TMEM132D: variants seen among roughly 807,000 people sequenced by gnomAD.
TMEM132D encodes the protein transmembrane protein 132D.
In TMEM132D, 21 loss-of-function variants were observed where a neutral mutation model predicts 62.3. The observed-to-expected ratio is 0.34, with a 90% confidence interval of 0.24 to 0.49. The LOEUF is 0.49. TMEM132D is among the 20% of genes least tolerant of loss of function. TMEM132D has a pLI of 0.99. For missense variants in TMEM132D, 1,346 were observed against 1,402.8 expected, an observed-to-expected ratio of 0.96 and a Z score of 0.65; for synonymous variants, 621 against 575.6, an observed-to-expected ratio of 1.08 and a Z score of -1.13.
In TMEM132D at chr12:129,654,011, G is replaced by A. The variant is rs182679570; in HGVS notation, c.968+45799C>T. 4.3e-4 allele frequency among the ~76,000 whole-genome samples: 65 copies of A among 152,204 alleles called. 1 individual carries two copies. The highest frequency in any genetic ancestry group is 1.6e-3 in the African/African-American group (65 of 41,534). ...TTCTTAGACCTTCCTTGTTTTTGAG[G>A]ATCTACATAGTTTTGAGGACTACTG... On this transcript the variant is annotated intron_variant, in intron 2 of 8. Transcript: ENST00000422113.
chr12:129,632,711 C>G lies in TMEM132D; in HGVS notation c.968+67099G>C, dbSNP rs151318103. Among the ~76,000 whole-genome samples, 3 of 152,280 alleles carry G rather than the reference C, an allele frequency of 2.0e-5. No homozygotes were observed. In the East Asian group the frequency reaches 5.8e-4, roughly 29 times the overall value. On this transcript the variant is annotated intron_variant, in intron 2 of 8. Transcript: ENST00000422113. The stretch of plus-strand genomic sequence containing the variant: ...AACTGTCAAAGATAATCTTTGGATT[C>G]CCTTTTATTCCACCATCCACGCACG...
intron 3 of TMEM132D, among the ~76,000 whole-genome samples, chr12:129,370,890 G>C (rs1870575508): frequency 6.6e-6 from 1 of 151,874 alleles, no homozygotes. Context: ...AGATGGGAGG[G>C]GAAATAAAGA....
chr12:129,406,788 C>T (rs562654954), intron 3 of TMEM132D, among the ~76,000 whole-genome samples: 3 of 152,272 alleles, frequency 2.0e-5, no homozygotes, highest in Non-Finnish European at 2.9e-5. Context: ...GGCAGCCCTG[C>T]GCCTCCACTC....
intron 1 of TMEM132D, among the ~76,000 whole-genome samples, chr12:129,831,730 T>C (rs1872838304): frequency 2.0e-5 from 3 of 152,246 alleles, no homozygotes; most frequent in South Asian, 4.2e-4. Flanking sequence ...GCTCTTCTAC[T>C]GACCAGCAGA....
chr12:129,114,817 T>C (rs115994625), intron 5 of TMEM132D, among the ~76,000 whole-genome samples: 7,193 of 152,280 alleles, frequency 0.047, 545 homozygotes, highest in African/African-American at 0.16. Flanking sequence ...TAATGGAATG[T>C]TTGTGAGATT....
chr12:129,094,538 G>A lies in TMEM132D; in HGVS notation c.1444-9836C>T, dbSNP rs370351770. On this transcript the variant is annotated intron_variant, in intron 5 of 8. Coordinates refer to ENST00000422113, the MANE Select transcript of TMEM132D (RefSeq NM_133448.3). The stretch of plus-strand genomic sequence containing the variant: ...ATTAAAAAGTCAAGAAACAACAGGT[G>A]CTGGAGAGGATGTGGAGAAATAGGA... 4.5e-4 allele frequency among the ~76,000 whole-genome samples: 68 copies of A among 152,300 alleles called. 1 individual carries two copies. In the East Asian group the frequency reaches 8.9e-3, roughly 20 times the overall value.
intron 1 of TMEM132D, among the ~76,000 whole-genome samples, chr12:129,803,253 A>G (rs1871859110): frequency 1.4e-5 from 2 of 147,072 alleles, no homozygotes; most frequent in Admixed American, 6.8e-5. Flanking sequence ...TCAGCACCAC[A>G]CCACACCTAT....
intron 5 of TMEM132D, among the ~76,000 whole-genome samples, chr12:129,196,912 T>A (rs56778712): frequency 0.17 from 25,338 of 152,094 alleles, 2,479 homozygotes; most frequent in African/African-American, 0.28. Flanking sequence ...AAGAATTGCA[T>A]GCATCTGTGG....
chr12:129,249,560 A>G (rs1880211298), intron 4 of TMEM132D, among the ~76,000 whole-genome samples: 1 of 152,200 alleles, frequency 6.6e-6, no homozygotes, highest in Non-Finnish European at 1.5e-5. Context: ...TCATTCACTT[A>G]TTCATTTAGT....
At chr12:129,892,293 AG>A (rs1434926194) in intron 1 of TMEM132D, among the ~76,000 whole-genome samples, 1 of 152,220 alleles carries the variant, frequency 6.6e-6, no homozygotes, top group Non-Finnish European at 1.5e-5. Context: ...AACGTGTCCT[AG>A]AAGAGGAAAA....
chr12:129,428,888 A>T (rs1345631743), intron 3 of TMEM132D, among the ~76,000 whole-genome samples: 1 of 152,258 alleles, frequency 6.6e-6, no homozygotes, highest in East Asian at 1.9e-4. Context: ...GCATAGCTGC[A>T]GAAATCTTTG....
chr12:129,209,714 G>A lies in TMEM132D; in HGVS notation c.1300-51C>T, dbSNP rs2135566674. 3 of 1,602,172 alleles carry A rather than the reference G, an allele frequency of 1.9e-6. No homozygotes were observed. The East Asian group carries it at 6.7e-5, about 36-fold the overall frequency. ...TCACATCCCCTCCTGAGACGGCCCA[G>A]TCCCTGGGAGTATGCCGCCTGCCTT... On this transcript the variant is annotated intron_variant, in intron 4 of 8. Transcript: ENST00000422113.
intron 3 of TMEM132D, among the ~76,000 whole-genome samples, chr12:129,338,789 T>C (rs1263862155): frequency 6.6e-6 from 1 of 152,248 alleles, no homozygotes; most frequent in Admixed American, 6.5e-5. Context: ...TGTTCTTTTA[T>C]ATGTGACAAA....
At chr12:129,604,455 C>A (rs959801482) in intron 2 of TMEM132D, among the ~76,000 whole-genome samples, 2 of 152,082 alleles carry the variant, frequency 1.3e-5, no homozygotes, top group Admixed American at 6.6e-5. Flanking sequence ...TATAAACATC[C>A]CGGTGCAGGT....
intron 1 of TMEM132D, among the ~76,000 whole-genome samples, chr12:129,716,773 C>T (rs886193047): frequency 1.3e-5 from 2 of 151,870 alleles, no homozygotes; most frequent in Admixed American, 6.6e-5. Flanking sequence ...GGAGTGGAGC[C>T]GGGACCTACA....
At position 129,708,504 on chromosome 12, in the gene TMEM132D, C is replaced by T. The variant is rs148031399; in HGVS notation, c.80-7806G>A. ...TGCCTTGCTGAATGCCTATCGGTCTCCCTGACCCCTGCCTAGGTGCCAGCA... is the reference window on the plus strand; with the variant it reads ...TGCCTTGCTGAATGCCTATCGGTCTTCCTGACCCCTGCCTAGGTGCCAGCA... On this transcript the variant is annotated intron_variant, in intron 1 of 8. Transcript: ENST00000422113. Among the ~76,000 whole-genome samples the T allele has an allele frequency of 2.9e-3, 434 of 151,330 alleles. 3 individuals are homozygous for T. The highest frequency in any genetic ancestry group is 5.2e-3 in the Non-Finnish European group (356 of 67,880).
chr12:129,454,498 G>A (rs778936094), intron 3 of TMEM132D, among the ~76,000 whole-genome samples: 1 of 152,100 alleles, frequency 6.6e-6, no homozygotes. Flanking sequence ...CCAGTTGGGG[G>A]ATAAAGGAGC....
At chr12:129,640,942 C>T (rs902802947) in intron 2 of TMEM132D, among the ~76,000 whole-genome samples, 17 of 152,130 alleles carry the variant, frequency 1.1e-4, no homozygotes, top group South Asian at 4.1e-4. Flanking sequence ...GAGAATCTAA[C>T]GCCTGATGAT....
At chr12:129,501,597 C>T (rs1875142965) in intron 3 of TMEM132D, among the ~76,000 whole-genome samples, 1 of 151,988 alleles carries the variant, frequency 6.6e-6, no homozygotes, top group African/African-American at 2.4e-5. Context: ...CTTGACGTCC[C>T]TAACTCAAGC....
Sources: gnomAD v4.1 joint callset for allele counts (sites outside exome capture counted in the v4.1 genomes callset) on GRCh38, gnomAD v4.1.1 for gene constraint, MANE v1.5 for transcripts, NCBI Gene and HGNC (gene_info 2026-07-23, HGNC 2026-07-21) for gene names.